Variants in ARHGEF28 observed in about 807,000 individuals in gnomAD.
ARHGEF28 encodes the protein Rho guanine nucleotide exchange factor 28.
A neutral mutation model predicts 206.6 loss-of-function variants in ARHGEF28; 152 were observed. The observed-to-expected ratio is 0.74, with a 90% confidence interval of 0.64 to 0.84. The LOEUF is 0.84. Among genes scored for constraint, ARHGEF28 ranks in the 40% least tolerant of loss-of-function variants. ARHGEF28 has a pLI of 0.00. For synonymous variants in ARHGEF28, 763 were observed against 776.4 expected (o/e 0.98, Z 0.29); for missense variants, 2,028 against 2,073.2 (o/e 0.98, Z 0.42).
intron 6 of ARHGEF28, 147 bp downstream of exon 6, chr5:73,776,843 C>A: frequency 1.8e-6 from 1 of 562,202 alleles, no homozygotes; most frequent in Non-Finnish European, 3.0e-6. Context: ...TGCATTAGAT[C>A]AGTAGAATGA....
intron 35 of ARHGEF28, among the ~76,000 whole-genome samples, chr5:73,925,830 A>C (rs538676724): frequency 7.9e-5 from 12 of 152,318 alleles, no homozygotes; most frequent in African/African-American, 2.9e-4. Context: ...AATATTCCAA[A>C]GTTTACTTAT....
intron 2 of ARHGEF28, among the ~76,000 whole-genome samples, chr5:73,698,707 G>A (rs1249757523): frequency 1.3e-5 from 2 of 152,108 alleles, no homozygotes; most frequent in South Asian, 2.1e-4. Flanking sequence ...TGTGATAAGT[G>A]TTGGATAAGA....
At position 73,894,426 on chromosome 5, in the gene ARHGEF28, C is replaced by T. The variant is rs777224552; in HGVS notation, c.3692C>T (p.Ala1231Val). 8.1e-6 allele frequency: 13 copies of T among 1,612,808 alleles called. No homozygotes were observed. Among genetic ancestry groups the T allele is most frequent in the East Asian group, 4.5e-5 (2 of 44,876 alleles). ...ILTNQDQQIC[A>V]YLEEKLHIYA... ...ACTAACCAAGACCAACAAATTTGTG[C>T]GTATTTGGAGGAGAAGCTGCATATC... Residue 1231 changes from alanine (A) to valine (V), a missense_variant, in exon 29 of 36, where the codon GCG (alanine) becomes GTG (valine). Ala to Val is a moderately conservative substitution (Grantham distance 64). This residue lies in a region of ARHGEF28 where 803 missense variants were observed against 768.0 expected (regional missense o/e 1.05). Transcript: ENST00000513042.
intron 2 of ARHGEF28, among the ~76,000 whole-genome samples, chr5:73,745,253 C>A (rs1751661479): frequency 6.6e-6 from 1 of 151,838 alleles, no homozygotes; most frequent in South Asian, 2.1e-4. Context: ...AACATGAGTA[C>A]AGGAATACCC....
chr5:73,779,064 T>C (rs1262460169), intron 6 of ARHGEF28, among the ~76,000 whole-genome samples: 2 of 152,216 alleles, frequency 1.3e-5, no homozygotes, highest in African/African-American at 4.8e-5. Context: ...CTGAGTTTGC[T>C]TTACAATATA....
intron 22 of ARHGEF28, among the ~76,000 whole-genome samples, chr5:73,878,408 CAT>C (rs1760678626): frequency 6.6e-6 from 1 of 151,942 alleles, no homozygotes; most frequent in South Asian, 2.1e-4. Context: ...TTAATTGGAG[CAT>C]TTAGTCCATT....
At chr5:73,760,116 G>C (rs1752527172) in intron 4 of ARHGEF28, among the ~76,000 whole-genome samples, 1 of 152,314 alleles carries the variant, frequency 6.6e-6, no homozygotes, top group Non-Finnish European at 1.5e-5. Context: ...ACTAACCAGA[G>C]AAGGGCAAAC....
At chr5:73,812,877 C>T (rs944234516) in intron 9 of ARHGEF28, among the ~76,000 whole-genome samples, 7 of 152,098 alleles carry the variant, frequency 4.6e-5, no homozygotes, top group African/African-American at 1.2e-4. Context: ...TGAGTACAAT[C>T]TATATAAAAG....
intron 35 of ARHGEF28, chr5:73,923,021 T>C: frequency 3.6e-6 from 5 of 1,401,444 alleles, no homozygotes; most frequent in Non-Finnish European, 4.8e-6. Flanking sequence ...ACACAATGAA[T>C]ATTTTGGCCA....
At chr5:73,761,281 T>C (rs1752587970) in intron 4 of ARHGEF28, among the ~76,000 whole-genome samples, 1 of 152,234 alleles carries the variant, frequency 6.6e-6, no homozygotes, top group Non-Finnish European at 1.5e-5. Context: ...AAAATTTTGC[T>C]ATTCTCATAG....
chr5:73,707,218 T>C (rs1056222836), intron 2 of ARHGEF28, among the ~76,000 whole-genome samples: 1 of 152,178 alleles, frequency 6.6e-6, no homozygotes, highest in Non-Finnish European at 1.5e-5. Flanking sequence ...AAGTCCTGGC[T>C]CTTCCTGGCT....
At chr5:73,792,077 T>A (rs11738813) in intron 7 of ARHGEF28, among the ~76,000 whole-genome samples, 51,920 of 152,070 alleles carry the variant, frequency 0.34, 10,231 homozygotes, top group Non-Finnish European at 0.44. Context: ...TAAGATATGG[T>A]TCTGTTTAGT....
intron 1 of ARHGEF28, among the ~76,000 whole-genome samples, chr5:73,648,740 G>A (rs1020049286): frequency 6.6e-6 from 1 of 152,226 alleles, no homozygotes; most frequent in Non-Finnish European, 1.5e-5. Context: ...GAAGAGCAGT[G>A]AGGTGAGGGC....
At chr5:73,825,720 C>T (rs981636326) in intron 9 of ARHGEF28, among the ~76,000 whole-genome samples, 3 of 152,082 alleles carry the variant, frequency 2.0e-5, no homozygotes. Context: ...ATTCTGAATC[C>T]AGTTGTGAAA....
intron 1 of ARHGEF28, among the ~76,000 whole-genome samples, chr5:73,682,418 C>CTTTTT (rs113519554): frequency 1.4e-5 from 2 of 140,714 alleles, no homozygotes; most frequent in Non-Finnish European, 1.5e-5. Flanking sequence ...ACAATTCATT[C>CTTTTT]TTTTTTTTTT....
intron 35 of ARHGEF28, among the ~76,000 whole-genome samples, chr5:73,926,053 C>CA (rs1213129754): frequency 2.6e-5 from 4 of 152,224 alleles, no homozygotes; most frequent in Non-Finnish European, 4.4e-5. Context: ...GTCCTGACTA[C>CA]AAACCTCCAT....
At chr5:73,655,314 A>G (rs1745118897) in intron 1 of ARHGEF28, among the ~76,000 whole-genome samples, 1 of 137,678 alleles carries the variant, frequency 7.3e-6, no homozygotes. Context: ...TACAAGAGTG[A>G]CAGCTTCTTG....
intron 1 of ARHGEF28, among the ~76,000 whole-genome samples, chr5:73,655,028 A>G (rs1249346964): frequency 8.5e-5 from 13 of 152,362 alleles, no homozygotes; most frequent in Non-Finnish European, 1.3e-4. Context: ...AAAACTGTCT[A>G]TTTGGATTAT....
At chr5:73,915,008 G>A (rs1195951452) in intron 35 of ARHGEF28, among the ~76,000 whole-genome samples, 1 of 152,194 alleles carries the variant, frequency 6.6e-6, no homozygotes, top group Non-Finnish European at 1.5e-5. Flanking sequence ...CCAAAGTGCT[G>A]GGATTATAGG....
Sources: allele counts gnomAD v4.1 joint callset (sites outside exome capture counted in the v4.1 genomes callset), GRCh38; gene constraint gnomAD v4.1.1; regional missense constraint gnomAD v4.1.1; transcripts MANE v1.5; gene names NCBI Gene and HGNC (gene_info 2026-07-23, HGNC 2026-07-21).